C4orf51: variants seen among roughly 807,000 people sequenced by gnomAD.
C4orf51 encodes the protein chromosome 4 open reading frame 51.
C4orf51 carries 25 observed loss-of-function variants against 25.2 expected under a neutral mutation model. The ratio of observed to expected loss-of-function variants is 0.99; its 90% confidence interval spans 0.72 to 1.39. The LOEUF is 1.39. C4orf51 is among the 40% of genes most tolerant of loss of function. C4orf51 has a pLI of 0.00. For synonymous variants in C4orf51, 100 were observed against 84.5 expected (o/e 1.18, Z -1.01); for missense variants, 252 against 239.6 (o/e 1.05, Z -0.34).
chr4:145,683,765 A>G (rs1212540789), intron 1 of C4orf51, among the ~76,000 whole-genome samples: 1 of 152,224 alleles, frequency 6.6e-6, no homozygotes, highest in Non-Finnish European at 1.5e-5. Flanking sequence ...TCATAGACCT[A>G]AATGTAAAAT....
At chr4:145,748,671 A>G (rs6823969) in intron 1 of C4orf51, among the ~76,000 whole-genome samples, 29,243 of 152,022 alleles carry the variant, frequency 0.19, 3,807 homozygotes, top group East Asian at 0.68. Context: ...TTTGATTTCT[A>G]TGTATTTGTA....
downstream of C4orf51, among the ~76,000 whole-genome samples, chr4:145,736,237 G>A (rs1732796945): frequency 6.6e-6 from 1 of 151,814 alleles, no homozygotes; most frequent in East Asian, 1.9e-4. Flanking sequence ...TGCTGGTCCT[G>A]TGTCTAGCAG....
the C4orf51 span, among the ~76,000 whole-genome samples, chr4:145,787,954 A>C: frequency 2.0e-5 from 3 of 152,152 alleles, no homozygotes; most frequent in African/African-American, 7.2e-5. Flanking sequence ...GAATCTTAAC[A>C]ATCATTTTTT....
the C4orf51 span, among the ~76,000 whole-genome samples, chr4:145,790,690 T>C: frequency 1.3e-5 from 2 of 152,228 alleles, no homozygotes; most frequent in African/African-American, 2.4e-5. Flanking sequence ...ATATCAATCA[T>C]TCCTTTAAAG....
intron 1 of C4orf51, among the ~76,000 whole-genome samples, chr4:145,687,003 G>C (rs931073388): frequency 1.7e-4 from 13 of 78,596 alleles, no homozygotes; most frequent in African/African-American, 4.5e-4. Flanking sequence ...TGGATCTTGT[G>C]GGGGGGGCGG....
chr4:145,729,272 C>T (rs375074824), intron 4 of C4orf51, 43 bp downstream of exon 4: 21 of 1,015,556 alleles, frequency 2.1e-5, no homozygotes, highest in Non-Finnish European at 2.9e-5. Flanking sequence ...CATTTTCTGG[C>T]CTTTATTTTA....
chr4:145,726,918 C>G lies in C4orf51; in HGVS notation c.315C>G (p.Phe105Leu). ...TQETTDIKGL[F>L]PDITRPFKKS... ...CTCTTCATGTGCATGCAGGACTATT[C>G]CCTGATATAACCAGGCCCTTTAAAA... The change falls in exon 3 of 6, where the codon TTC (phenylalanine) becomes TTG (leucine). Residue 105 changes from phenylalanine (F) to leucine (L), a missense_variant. Phe to Leu is a conservative substitution (Grantham distance 22). Coordinates refer to ENST00000438731, the MANE Select transcript of C4orf51 (RefSeq NM_001080531.3). The G allele has an allele frequency of 6.2e-7, 1 of 1,612,728 alleles. No homozygotes were observed. Among genetic ancestry groups the G allele is most frequent in the Non-Finnish European group, 8.5e-7 (1 of 1,178,930 alleles).
chr4:145,733,325 C>T (rs1009878827), downstream of C4orf51, among the ~76,000 whole-genome samples: 1 of 152,232 alleles, frequency 6.6e-6, no homozygotes, highest in Non-Finnish European at 1.5e-5. Context: ...TGCTGATTCC[C>T]CCCCACCACC....
Position 145,729,370 on chromosome 4 carries a change from C to T in C4orf51, c.427+141C>T, listed in dbSNP as rs566129552. ...AGGCTGACGTGCAGTGGCGCGATCT[C>T]GGCTCACTGCAAGCTCTGCCTCCCA... On this transcript the variant is annotated intron_variant, in intron 4 of 5. Transcript: ENST00000438731. 200 of 541,594 alleles carry T rather than the reference C, an allele frequency of 3.7e-4. 2 individuals are homozygous for T. The South Asian group carries it at 4.2e-3, about 11-fold the overall frequency. 33.5% of individuals were successfully genotyped at this position (541,594 alleles called of 1,614,324 possible).
At chr4:145,744,071 A>G (rs1245650542) in intron 1 of C4orf51, among the ~76,000 whole-genome samples, 1 of 152,222 alleles carries the variant, frequency 6.6e-6, no homozygotes, top group Non-Finnish European at 1.5e-5. Flanking sequence ...AAGCTGGGAA[A>G]TGTATCTTAT....
At chr4:145,695,902 A>G (rs529826450) in intron 1 of C4orf51, among the ~76,000 whole-genome samples, 1 of 152,358 alleles carries the variant, frequency 6.6e-6, no homozygotes, top group South Asian at 2.1e-4. Context: ...TTAGCAAACT[A>G]ATGCAGGAAC....
At chr4:145,712,505 G>A (rs537924884) in intron 2 of C4orf51, among the ~76,000 whole-genome samples, 1 of 152,326 alleles carries the variant, frequency 6.6e-6, no homozygotes, top group African/African-American at 2.4e-5. Context: ...ATTTTCTTAA[G>A]CCAAAGCCTA....
intron 1 of C4orf51, among the ~76,000 whole-genome samples, chr4:145,739,814 G>A (rs977678676): frequency 3.9e-5 from 6 of 152,160 alleles, no homozygotes; most frequent in Non-Finnish European, 5.9e-5. Flanking sequence ...TAGAGATAGA[G>A]TCGCTGAGGC....
chr4:145,766,611 G>A (rs563292537), intron 1 of C4orf51, among the ~76,000 whole-genome samples: 1 of 152,308 alleles, frequency 6.6e-6, no homozygotes, highest in South Asian at 2.1e-4. Flanking sequence ...AGAGGAAGGG[G>A]CAGCACAGAA....
chr4:145,777,469 T>C, the C4orf51 span, among the ~76,000 whole-genome samples: 212 of 152,352 alleles, frequency 1.4e-3, 1 homozygote, highest in African/African-American at 4.8e-3. Flanking sequence ...CCAAAATTTC[T>C]CTTTGGGAAC....
intron 2 of C4orf51, among the ~76,000 whole-genome samples, chr4:145,707,113 T>A (rs1050539655): frequency 6.6e-6 from 1 of 152,032 alleles, no homozygotes; most frequent in Non-Finnish European, 1.5e-5. Context: ...CAATTTTTTT[T>A]ATTTTTTAGT....
At chr4:145,726,046 G>A (rs919079444) in intron 2 of C4orf51, among the ~76,000 whole-genome samples, 4 of 152,186 alleles carry the variant, frequency 2.6e-5, no homozygotes, top group African/African-American at 9.7e-5. Flanking sequence ...AAGAGTGTAA[G>A]TTGTGTATCA....
intron 1 of C4orf51, among the ~76,000 whole-genome samples, chr4:145,740,362 T>C (rs1220886203): frequency 6.6e-6 from 1 of 151,940 alleles, no homozygotes; most frequent in Non-Finnish European, 1.5e-5. Context: ...TCAAATGCTA[T>C]ATTTTCCATT....
At position 145,762,370 on chromosome 4, in the gene C4orf51, G is replaced by A. The variant is rs1734659042; in HGVS notation, n.167-8618G>A. ...GGGAGACAACTGCTATCTGGAGCTC[G>A]AAGACATTATTAATACATGATTATG... On this transcript the variant is annotated intron_variant and non_coding_transcript_variant, in intron 1 of 1. Transcript: ENST00000510096. The surrounding 1 kb of genome is among the most constrained non-coding windows in gnomAD (Gnocchi z 4.9). 1.3e-5 allele frequency among the ~76,000 whole-genome samples: 2 copies of A among 152,186 alleles called. No individual in the cohort carries two copies. Among genetic ancestry groups the A allele is most frequent in the African/African-American group, 2.4e-5 (1 of 41,448 alleles).
Sources: allele counts gnomAD v4.1 joint callset (sites outside exome capture counted in the v4.1 genomes callset), GRCh38; gene constraint gnomAD v4.1.1; non-coding constraint Gnocchi (gnomAD v3.1); transcripts MANE v1.5; gene names NCBI Gene and HGNC (gene_info 2026-07-23, HGNC 2026-07-21).